CD8B2: variants seen among roughly 807,000 people sequenced by gnomAD.
The protein encoded by CD8B2 is T-cell surface glycoprotein CD8 beta-2 chain.
CD8B2 carries 11 observed loss-of-function variants against 23.7 expected under a neutral mutation model. The ratio of observed to expected loss-of-function variants is 0.46; its 90% CI spans 0.29 to 0.77. The LOEUF (loss-of-function observed/expected upper bound fraction) is 0.77, where lower values mean the gene tolerates loss of function less well. Among genes scored for constraint, CD8B2 ranks in the 30% least tolerant of loss-of-function variants. The pLI, the probability that CD8B2 is intolerant of heterozygous loss-of-function variation, is 0.09. For missense variants in CD8B2, 197 were observed against 270.5 expected (o/e 0.73, Z 1.91); for synonymous variants, 90 against 109.3 (o/e 0.82, Z 1.10).
chr2:106,519,129 TA>T (rs1679779286), intron 5 of CD8B2, among the ~76,000 whole-genome samples: 1 of 152,198 alleles, frequency 6.6e-6, no homozygotes, highest in African/African-American at 2.4e-5. Flanking sequence ...AATTAGATGA[TA>T]TTTTTAATAG....
rs182154988 is a variant in CD8B2, at chr2:106,522,769, G to A, written c.620+18444G>A. Among the ~76,000 whole-genome samples the A allele has an allele frequency of 1.2e-3, 188 of 152,270 alleles. 1 individual carries two copies. The highest frequency in any genetic ancestry group is 3.1e-4 in the Non-Finnish European group (21 of 68,028). On this transcript the variant is annotated intron_variant, in intron 5 of 5. Coordinates refer to the CD8B2 transcript ENST00000416057. ...CAATTTCCATCCCTGAGCAGTTAAT[G>A]TAGAATTATGTACGTAGGTTTGCAA...
In CD8B2 at chr2:106,508,644, C is replaced by T. The variant is rs939868398; in HGVS notation, c.*1704C>T. ...AGCAGATAGCCCATGGGCCCAATTG[C>T]AAAGTTTTCTGGGTTTTAAGTACCC... On this transcript the variant is annotated 3_prime_UTR_variant, in exon 6 of 6. Coordinates refer to ENST00000643224, the MANE Select transcript of CD8B2 (RefSeq NM_001349727.2). 27 of 152,190 alleles carry T rather than the reference C, an allele frequency of 1.8e-4. No homozygotes were observed. The highest frequency in any genetic ancestry group is 6.3e-4 in the African/African-American group (26 of 41,448). The allele number at this position is 152,190 out of a possible 1,614,324, so 9.4% of individuals were successfully genotyped here. A position where few individuals can be genotyped will look rare whatever the true frequency, so the allele number is the denominator to read the frequency against.
At chr2:106,527,715 G>A (rs1294274597) in intron 5 of CD8B2, among the ~76,000 whole-genome samples, 2 of 152,168 alleles carry the variant, frequency 1.3e-5, no homozygotes, top group African/African-American at 4.8e-5. Flanking sequence ...CCAGGGAGGT[G>A]GAGGTTGCAG....
chr2:106,514,567 G>A (rs972716564), downstream of CD8B2, among the ~76,000 whole-genome samples: 1 of 151,724 alleles, frequency 6.6e-6, no homozygotes, highest in Non-Finnish European at 1.5e-5. Flanking sequence ...GATTTCAGGC[G>A]TGAGCCACTG....
chr2:106,539,885 C>T lies in CD8B2; in HGVS notation c.621-4107C>T, dbSNP rs372560228. ...TCTTGGCTAACTTAATCACTGTTCCCGTCACTGAATCTCCCTTTTTTGTCA... is the reference window on the plus strand; with the variant it reads ...TCTTGGCTAACTTAATCACTGTTCCTGTCACTGAATCTCCCTTTTTTGTCA... On this transcript the variant is annotated intron_variant, in intron 5 of 5. Transcript: ENST00000416057. Among the ~76,000 whole-genome samples, 25 of 152,306 alleles carry T rather than the reference C, an allele frequency of 1.6e-4. No homozygotes were observed. In the East Asian group the frequency reaches 2.3e-3, roughly 14 times the overall value.
intron 2 of CD8B2, among the ~76,000 whole-genome samples, chr2:106,492,316 T>C (rs1459111858): frequency 1.3e-5 from 2 of 152,338 alleles, no homozygotes; most frequent in East Asian, 3.9e-4. Flanking sequence ...TTTAAAGTCA[T>C]GTTTAAAAAA....
intron 5 of CD8B2, among the ~76,000 whole-genome samples, chr2:106,505,904 G>A (rs1181482997): frequency 6.6e-6 from 1 of 152,286 alleles, no homozygotes; most frequent in African/African-American, 2.4e-5. Flanking sequence ...GCCCAAGGCA[G>A]GTAGATCGCC....
At chr2:106,542,509 C>G (rs1030565794) in intron 5 of CD8B2, among the ~76,000 whole-genome samples, 7 of 151,718 alleles carry the variant, frequency 4.6e-5, no homozygotes, top group Non-Finnish European at 7.4e-5. Flanking sequence ...CTTCCACTTT[C>G]AAGTTAATTC....
rs1573340195 is a variant in CD8B2 at position 106,510,903 on chromosome 2, C to T, written c.*3963C>T. On this transcript the variant is annotated 3_prime_UTR_variant, in exon 6 of 6. Transcript: ENST00000643224. ...TTTTTTCTCTAATAATAAATCAAGGCCTCCGGGTATATTTGTTTGTATATG... is the reference window on the plus strand; with the variant it reads ...TTTTTTCTCTAATAATAAATCAAGGTCTCCGGGTATATTTGTTTGTATATG... 6.6e-6 allele frequency: 1 copy of T among 151,908 alleles called. No individual in the cohort carries two copies. The allele number at this position is 151,908 out of a possible 1,614,324, so 9.4% of individuals were successfully genotyped here.
chr2:106,500,814 T>C (rs1679391373), intron 3 of CD8B2, among the ~76,000 whole-genome samples: 2 of 151,634 alleles, frequency 1.3e-5, no homozygotes, highest in African/African-American at 4.8e-5. Flanking sequence ...ACATTGATAG[T>C]GTAAAGTCTG....
chr2:106,519,305 T>C (rs1646595517), intron 5 of CD8B2, among the ~76,000 whole-genome samples: 2 of 152,212 alleles, frequency 1.3e-5, no homozygotes, highest in Admixed American at 1.3e-4. Context: ...CACTGTGTGA[T>C]GACTGCCTGG....
intron 2 of CD8B2, among the ~76,000 whole-genome samples, chr2:106,493,182 C>T (rs1433095458): frequency 3.3e-5 from 5 of 152,136 alleles, no homozygotes; most frequent in South Asian, 2.1e-4. Flanking sequence ...TCTTCGGAGC[C>T]GAACCCCACC....
At chr2:106,496,140 G>C in intron 2 of CD8B2, 33 bp from the exon 3 acceptor site, 2 of 1,547,996 alleles carry the variant, frequency 1.3e-6, no homozygotes, top group Non-Finnish European at 1.7e-6. Flanking sequence ...GTGTTCACTT[G>C]GCTAAGATAT....
intron 3 of CD8B2, among the ~76,000 whole-genome samples, chr2:106,498,142 T>C (rs1199012474): frequency 1.4e-5 from 2 of 145,706 alleles, no homozygotes; most frequent in Non-Finnish European, 3.0e-5. Context: ...ATAATTTCTT[T>C]TCTTTCTTTC....
chr2:106,530,361 G>A (rs1679974309), intron 5 of CD8B2, among the ~76,000 whole-genome samples: 1 of 152,050 alleles, frequency 6.6e-6, no homozygotes, highest in Non-Finnish European at 1.5e-5. Context: ...ATTGTGAGAA[G>A]CGTGTGAACC....
chr2:106,525,460 GA>G (rs1288049536), intron 5 of CD8B2, among the ~76,000 whole-genome samples: 19 of 152,242 alleles, frequency 1.2e-4, no homozygotes, highest in African/African-American at 4.6e-4. Flanking sequence ...TTTTATTATG[GA>G]AAAGTACACA....
At chr2:106,506,060 C>T (rs1437679808) in intron 5 of CD8B2, among the ~76,000 whole-genome samples, 3 of 151,924 alleles carry the variant, frequency 2.0e-5, no homozygotes, top group African/African-American at 4.8e-5. Context: ...GCTTGAACCC[C>T]GGAGGCAGAG....
chr2:106,505,668 ATTATAT>A (rs1679491133), intron 5 of CD8B2, among the ~76,000 whole-genome samples: 2 of 152,232 alleles, frequency 1.3e-5, no homozygotes. Context: ...TGTTGTACAC[ATTATAT>A]TTATATCGAG....
intron 5 of CD8B2, among the ~76,000 whole-genome samples, chr2:106,530,536 G>A (rs867261333): frequency 6.6e-6 from 1 of 152,054 alleles, no homozygotes; most frequent in Non-Finnish European, 1.5e-5. Flanking sequence ...CCGCTACCAC[G>A]CCAGGCTAAT....
Sources: allele counts gnomAD v4.1 joint callset (sites outside exome capture counted in the v4.1 genomes callset), GRCh38; gene constraint gnomAD v4.1.1; transcripts MANE v1.5; gene names NCBI Gene and HGNC (gene_info 2026-07-23, HGNC 2026-07-21).